CCDC12: variants seen among roughly 807,000 people sequenced by gnomAD.
CCDC12 encodes coiled-coil domain-containing protein 12.
CCDC12 carries 28 observed loss-of-function variants against 25.7 expected under a neutral mutation model. The ratio of observed to expected loss-of-function variants is 1.09; its 90% CI spans 0.81 to 1.50. CCDC12 has a LOEUF of 1.50. CCDC12 is among the 40% of genes most tolerant of loss of function. The probability of loss-of-function intolerance (pLI) is 0.00; values close to 1 mark genes in which losing one functional copy is unlikely to be tolerated. For missense variants in CCDC12, 198 were observed against 210.0 expected (o/e 0.94, Z 0.35); for synonymous variants, 75 against 87.7 (o/e 0.86, Z 0.81).
chr3:46,967,013 C>G (rs986205997), intron 1 of CCDC12, among the ~76,000 whole-genome samples: 1 of 152,182 alleles, frequency 6.6e-6, no homozygotes, highest in African/African-American at 2.4e-5. Context: ...TCCCAGTCCT[C>G]TGTCTCTGTG....
intron 1 of CCDC12, among the ~76,000 whole-genome samples, chr3:46,963,731 T>C (rs1393204591): frequency 6.6e-6 from 1 of 152,200 alleles, no homozygotes; most frequent in Non-Finnish European, 1.5e-5. Context: ...GTGCCGGGAT[T>C]GCAGATGGAG....
intron 1 of CCDC12, among the ~76,000 whole-genome samples, chr3:46,947,506 A>G (rs747361991): frequency 6.6e-6 from 1 of 152,184 alleles, no homozygotes; most frequent in Non-Finnish European, 1.5e-5. Context: ...GAACACCACC[A>G]TGCCTGGGAC....
rs556515763 is a variant in CCDC12 at position 46,950,043 on chromosome 3, A to T, written c.97-8978T>A. ...TCCATCTCAAAAAAAAAAAAAAAAGAAAAGAAAAAAAAACTGCCTGCTGAC... is the reference window on the plus strand; with the variant it reads ...TCCATCTCAAAAAAAAAAAAAAAAGTAAAGAAAAAAAAACTGCCTGCTGAC... On this transcript the variant is annotated intron_variant, in intron 1 of 6. Transcript: ENST00000683445. Among the ~76,000 whole-genome samples, 47 of 149,612 alleles carry T rather than the reference A, an allele frequency of 3.1e-4. No individual in the cohort carries two copies. The South Asian group carries it at 9.3e-3, about 30-fold the overall frequency.
At chr3:46,976,487 A>T in intron 1 of CCDC12, 150 bp downstream of exon 1, 1 of 1,435,394 alleles carries the variant, frequency 7.0e-7, no homozygotes. Context: ...ACATCGTGGG[A>T]GGGCGCCGTC....
At chr3:46,973,159 A>G (rs1177895257) in intron 1 of CCDC12, among the ~76,000 whole-genome samples, 1 of 151,086 alleles carries the variant, frequency 6.6e-6, no homozygotes, top group Admixed American at 6.6e-5. Flanking sequence ...GTTTGAGACC[A>G]GCCTGACCAA....
intron 5 of CCDC12, chr3:46,922,781 A>G (rs2032742090): frequency 4.8e-6 from 1 of 207,134 alleles, no homozygotes; most frequent in Admixed American, 5.3e-5. Context: ...CATCAAATTA[A>G]AACAGCTGGT....
chr3:46,951,825 T>TATATATATATATATATATATATA (rs1559559184), intron 1 of CCDC12, among the ~76,000 whole-genome samples: 2 of 30,058 alleles, frequency 6.7e-5, no homozygotes, highest in Admixed American at 5.7e-4. Context: ...ATATATATAC[T>TATATATATATATATATATATATA]TAATGAGGAT....
At chr3:46,932,949 C>T (rs770755494) in intron 2 of CCDC12, among the ~76,000 whole-genome samples, 3 of 152,184 alleles carry the variant, frequency 2.0e-5, no homozygotes, top group Non-Finnish European at 2.9e-5. Flanking sequence ...AAGGAAGAGC[C>T]GGAGGCAGAA....
At chr3:46,964,617 T>C (rs573562512) in intron 1 of CCDC12, among the ~76,000 whole-genome samples, 1 of 152,340 alleles carries the variant, frequency 6.6e-6, no homozygotes, top group East Asian at 1.9e-4. Context: ...AGAAAAATTC[T>C]TCTGCCTTGG....
chr3:46,930,031 C>CAAAAA (rs145507739), intron 2 of CCDC12, among the ~76,000 whole-genome samples: 1 of 39,870 alleles, frequency 2.5e-5, no homozygotes, highest in Non-Finnish European at 4.1e-5. Flanking sequence ...GACCCCATCT[C>CAAAAA]AAAAAAAAAA....
intron 1 of CCDC12, among the ~76,000 whole-genome samples, chr3:46,969,001 G>T (rs11917474): frequency 1.3e-5 from 2 of 152,014 alleles, no homozygotes; most frequent in African/African-American, 4.8e-5. Context: ...CAATACAGGC[G>T]GCAGTGATCG....
intron 1 of CCDC12, 26 bp downstream of exon 1, chr3:46,976,611 T>G (rs1034852029): frequency 3.1e-6 from 5 of 1,600,924 alleles, no homozygotes; most frequent in South Asian, 2.3e-5. Flanking sequence ...ACGCCTCAAC[T>G]GCGACCCTCA....
At chr3:46,929,620 T>C (rs1476724075) in intron 2 of CCDC12, among the ~76,000 whole-genome samples, 1 of 152,218 alleles carries the variant, frequency 6.6e-6, no homozygotes, top group African/African-American at 2.4e-5. Context: ...ACCCCCATTT[T>C]AGAATGAGGA....
chr3:46,946,616 C>A (rs1457616855), intron 1 of CCDC12, among the ~76,000 whole-genome samples: 1 of 152,230 alleles, frequency 6.6e-6, no homozygotes, highest in African/African-American at 2.4e-5. Context: ...GAGGGCTGAG[C>A]CCAGCATGAG....
intron 1 of CCDC12, among the ~76,000 whole-genome samples, chr3:46,955,294 C>T (rs1460871274): frequency 1.3e-5 from 2 of 152,162 alleles, no homozygotes; most frequent in African/African-American, 4.8e-5. Flanking sequence ...TGAATGTTTA[C>T]GGAGTCTCTG....
At chr3:46,952,838 G>A (rs1273716359) in intron 1 of CCDC12, among the ~76,000 whole-genome samples, 1 of 152,178 alleles carries the variant, frequency 6.6e-6, no homozygotes, top group Non-Finnish European at 1.5e-5. Flanking sequence ...TGAGAAAAAT[G>A]GAAGCCCAGG....
intron 2 of CCDC12, among the ~76,000 whole-genome samples, chr3:46,938,500 C>G (rs1207447295): frequency 2.0e-5 from 3 of 147,040 alleles, no homozygotes; most frequent in African/African-American, 7.5e-5. Context: ...ATATTCCAGA[C>G]AGGTTTGTTC....
chr3:46,924,050 C>T (rs1388724101), intron 3 of CCDC12: 5 of 181,106 alleles, frequency 2.8e-5, no homozygotes, highest in Non-Finnish European at 5.7e-5. Flanking sequence ...CCCGGCCTAG[C>T]CAGAGCCACA....
Position 46,921,836 on chromosome 3 carries a change from G to T in CCDC12, c.*221C>A. On this transcript the variant is annotated 3_prime_UTR_variant, in exon 7 of 7. Coordinates refer to ENST00000683445, the MANE Select transcript of CCDC12 (RefSeq NM_001277074.2). ...TGTACATCCACATGTGCAGACACAG[G>T]CACGCCCAGAGTTGTTGCTGGTTCT... 1.7e-6 allele frequency: 1 copy of T among 595,264 alleles called. No homozygotes were observed. The highest frequency in any genetic ancestry group is 3.0e-6 in the Non-Finnish European group (1 of 333,590). 36.9% of individuals were successfully genotyped at this position (595,264 alleles called of 1,614,324 possible). A position where few individuals can be genotyped will look rare whatever the true frequency, so the allele number is the denominator to read the frequency against.
Sources: gnomAD v4.1 joint callset for allele counts (sites outside exome capture counted in the v4.1 genomes callset) on GRCh38, gnomAD v4.1.1 for gene constraint, MANE v1.5 for transcripts, NCBI Gene and HGNC (gene_info 2026-07-23, HGNC 2026-07-21) for gene names.